The following TRPA1 variants were observed in gnomAD, a reference collection of about 807,000 sequenced individuals.
TRPA1 encodes the protein ankyrin-like with transmembrane domains 1.
In TRPA1, 129 loss-of-function variants were observed where a neutral mutation model predicts 131.3. The observed-to-expected ratio is 0.98, with a 90% CI of 0.85 to 1.14. TRPA1 has a LOEUF of 1.14. Ranked by LOEUF, TRPA1 falls within the 50% of genes most tolerant of loss-of-function variation. The pLI is 0.00. For synonymous variants in TRPA1, 441 were observed against 451.7 expected, an observed-to-expected ratio of 0.98 and a Z score of 0.30; for missense variants, 1,304 against 1,354.2, an observed-to-expected ratio of 0.96 and a Z score of 0.58.
intron 24 of TRPA1, among the ~76,000 whole-genome samples, chr8:72,026,593 A>T (rs1811618195): frequency 6.6e-6 from 1 of 152,220 alleles, no homozygotes; most frequent in Admixed American, 6.5e-5. Flanking sequence ...TCTCATGCTT[A>T]AGAGTATGTC....
intron 20 of TRPA1, 67 bp from the exon 21 acceptor site, chr8:72,036,524 T>C: frequency 2.1e-6 from 3 of 1,427,108 alleles, no homozygotes; most frequent in Non-Finnish European, 2.9e-6. Flanking sequence ...GTTATATACA[T>C]GCACCCCGTA....
chr8:72,029,789 T>G lies in TRPA1; in HGVS notation c.2937+112A>C. 2 of 1,012,826 alleles carry G rather than the reference T, an allele frequency of 2.0e-6. 1 individual carries two copies. The highest frequency in any genetic ancestry group is 3.1e-6 in the Non-Finnish European group (2 of 652,678). 62.7% of individuals were successfully genotyped at this position (1,012,826 alleles called of 1,614,324 possible). On this transcript the variant is annotated intron_variant, in intron 24 of 26. Coordinates refer to ENST00000262209, the MANE Select transcript of TRPA1 (RefSeq NM_007332.3). The stretch of plus-strand genomic sequence containing the variant: ...ACTTTACAGTGTAAGTAGTATAAAT[T>G]TATAACTGGCATATTCCTACAAAAT...
At chr8:72,032,085 G>A (rs1312587232) in intron 23 of TRPA1, among the ~76,000 whole-genome samples, 1 of 152,330 alleles carries the variant, frequency 6.6e-6, no homozygotes, top group East Asian at 1.9e-4. Flanking sequence ...CACAATCATG[G>A]AGTGTGCATT....
rs767706548 is a variant in TRPA1 at position 72,022,929 on chromosome 8, T to G, written c.3337A>C (p.Lys1113Gln). The G allele has an allele frequency of 1.9e-6, 3 of 1,613,658 alleles. No homozygotes were observed. In the African/African-American group the frequency reaches 4.0e-5, roughly 22 times the overall value. ...WNTVLRAVKAKTHHLEP is the reference protein window; with the variant it reads ...WNTVLRAVKAQTHHLEP ...AGCTAAGGCTCAAGATGGTGTGTTTTTGCCTTGACTGCTCTCAACACAGTA... is the reference window on the plus strand; with the variant it reads ...AGCTAAGGCTCAAGATGGTGTGTTTGTGCCTTGACTGCTCTCAACACAGTA... Residue 1113 changes from lysine to glutamine, a missense_variant, in exon 27 of 27, where the codon AAA (lysine) becomes CAA (glutamine). Coordinates refer to ENST00000262209, the MANE Select transcript of TRPA1 (RefSeq NM_007332.3).
chr8:72,054,006 C>G, intron 12 of TRPA1, 139 bp from the exon 13 acceptor site: 1 of 669,658 alleles, frequency 1.5e-6, no homozygotes, highest in Non-Finnish European at 2.7e-6. Context: ...ATTTATAAAA[C>G]ATTTATAATA....
chr8:72,052,995 G>GTGTGTGATAGAT (rs71265966), intron 13 of TRPA1: 2 of 351,504 alleles, frequency 5.7e-6, no homozygotes, highest in South Asian at 2.5e-5. Flanking sequence ...GTGTGTGTGT[G>GTGTGTGATAGAT]AGAGATAGAG....
At chr8:72,036,005 C>CAAAAAAAAAAAAAAAAAAAAAAAAAAA (rs58197251) in intron 21 of TRPA1, among the ~76,000 whole-genome samples, 1 of 44,968 alleles carries the variant, frequency 2.2e-5, no homozygotes, top group Non-Finnish European at 3.9e-5. Flanking sequence ...TCCCCCTCCA[C>CAAAAAAAAAAAAAAAAAAAAAAAAAAA]AAAAAAAAAA....
rs577827425 is a variant in TRPA1, at chr8:72,035,997, C to T, written c.2555+291G>A. On this transcript the variant is annotated intron_variant, in intron 21 of 26. Coordinates refer to ENST00000262209, the MANE Select transcript of TRPA1 (RefSeq NM_007332.3). ...GCAATTTACGATATACAAGACAGTC[C>T]CCCTCCACAAAAAAAAAAAAAAAAA... 6.2e-5 allele frequency among the ~76,000 whole-genome samples: 8 copies of T among 128,464 alleles called. No individual in the cohort carries two copies. In the East Asian group the frequency reaches 1.5e-3, roughly 24 times the overall value. 84.3% of individuals were successfully genotyped at this position (128,464 alleles called of 152,430 possible). A position where few individuals can be genotyped will look rare whatever the true frequency, so the allele number is the denominator to read the frequency against.
intron 5 of TRPA1, among the ~76,000 whole-genome samples, chr8:72,063,155 G>A (rs1022802115): frequency 2.4e-4 from 37 of 152,038 alleles, no homozygotes; most frequent in South Asian, 4.2e-4. Flanking sequence ...GTCATGGTGG[G>A]AGGATCACGA....
chr8:72,047,246 A>G (rs766231721), intron 15 of TRPA1, 39 bp from the exon 16 acceptor site: 1 of 1,412,378 alleles, frequency 7.1e-7, no homozygotes, highest in Non-Finnish European at 1.0e-6. Context: ...TTGGGGCAGT[A>G]CACTACATAT....
At chr8:72,042,360 G>A (rs748200739) in intron 17 of TRPA1, among the ~76,000 whole-genome samples, 1 of 151,886 alleles carries the variant, frequency 6.6e-6, no homozygotes, top group Non-Finnish European at 1.5e-5. Context: ...AAACCACAAC[G>A]AGATACCACT....
At chr8:72,039,440 T>C (rs942328161) in intron 18 of TRPA1, among the ~76,000 whole-genome samples, 10 of 152,018 alleles carry the variant, frequency 6.6e-5, no homozygotes, top group African/African-American at 2.2e-4. Flanking sequence ...TCATGTCTTA[T>C]ATAATAATTC....
In TRPA1 at chr8:72,069,008, G is replaced by C; in HGVS notation, c.444+15C>G. ...ACCGCCGGTCAGGCCCTTTGGAGCC[G>C]GCCAGTAGCCTTACCTTCATCACCT... On this transcript the variant is annotated intron_variant, in intron 3 of 26. Coordinates refer to ENST00000262209, the MANE Select transcript of TRPA1 (RefSeq NM_007332.3). The C allele has an allele frequency of 6.2e-7, 1 of 1,614,112 alleles. No individual in the cohort carries two copies. Among genetic ancestry groups the C allele is most frequent in the South Asian group, 1.1e-5 (1 of 91,074 alleles).
intron 1 of TRPA1, among the ~76,000 whole-genome samples, chr8:72,074,445 C>G (rs751285559): frequency 6.6e-6 from 1 of 151,960 alleles, no homozygotes; most frequent in African/African-American, 2.4e-5. Context: ...TTTTTTTAAC[C>G]TGGAAAATTC....
intron 18 of TRPA1, 131 bp from the exon 19 acceptor site, chr8:72,039,158 G>A (rs1812160562): frequency 1.1e-6 from 1 of 882,778 alleles, no homozygotes; most frequent in Admixed American, 2.1e-5. Flanking sequence ...TTAAGATCAA[G>A]TAAATCTTCT....
intron 8 of TRPA1, 27 bp from the exon 9 acceptor site, chr8:72,057,843 A>G (rs1285369153): frequency 6.6e-7 from 1 of 1,506,262 alleles, no homozygotes; most frequent in Non-Finnish European, 9.2e-7. Context: ...CCATTCAACA[A>G]AGAGCTTAGA....
chr8:72,057,904 A>T, intron 8 of TRPA1, 88 bp from the exon 9 acceptor site: 2 of 971,634 alleles, frequency 2.1e-6, no homozygotes, highest in Non-Finnish European at 3.2e-6. Flanking sequence ...TAATTCATTG[A>T]TACAGAGTGT....
Position 72,067,693 on chromosome 8 carries a change from A to G in TRPA1, c.444+1330T>C, listed in dbSNP as rs145722633. ...AGAGCTCCATGAGGAAATATTTGAT[A>G]TCTCTGCGGGAGTCCCTGTAGTCAC... On this transcript the variant is annotated intron_variant, in intron 3 of 26. Coordinates refer to ENST00000262209, the MANE Select transcript of TRPA1 (RefSeq NM_007332.3). Among the ~76,000 whole-genome samples, 10 of 152,310 alleles carry G rather than the reference A, an allele frequency of 6.6e-5. No homozygotes were observed. The East Asian group carries it at 1.9e-3, about 29-fold the overall frequency.
At chr8:72,089,678 C>A in the TRPA1 span, among the ~76,000 whole-genome samples, 1 of 151,880 alleles carries the variant, frequency 6.6e-6, no homozygotes, top group African/African-American at 2.4e-5. Context: ...AACCACAGCT[C>A]AAAAAATTCA....
Sources: allele counts gnomAD v4.1 joint callset (sites outside exome capture counted in the v4.1 genomes callset), GRCh38; gene constraint gnomAD v4.1.1; transcripts MANE v1.5; gene names NCBI Gene and HGNC (gene_info 2026-07-23, HGNC 2026-07-21).